Variants in DIP2C observed in about 807,000 individuals in gnomAD.
DIP2C encodes the protein disco-interacting protein 2 homolog C.
A neutral mutation model predicts 192.4 loss-of-function variants in DIP2C; 33 were observed. The observed-to-expected ratio is 0.17, with a 90% confidence interval of 0.13 to 0.23. DIP2C has a LOEUF of 0.23. Among genes scored for constraint, DIP2C ranks in the 10% least tolerant of loss-of-function variants. The pLI is 1.00. For synonymous variants in DIP2C, 979 were observed against 864.1 expected, an observed-to-expected ratio of 1.13 and a Z score of -2.33; for missense variants, 1,537 against 2,110.1, an observed-to-expected ratio of 0.73 and a Z score of 5.32.
Position 353,658 on chromosome 10 carries a change from C to T in DIP2C, c.2985+2768G>A, listed in dbSNP as rs550000259. Among the ~76,000 whole-genome samples, 36 of 152,298 alleles carry T rather than the reference C, an allele frequency of 2.4e-4. 1 individual carries two copies. Among genetic ancestry groups the T allele is most frequent in the East Asian group, 3.9e-4 (2 of 5,184 alleles). ...CCACCCAAAGTGCTGGGATTGCAGG[C>T]GTGAGCCATGGTGCCTGGCCTCCAC... is the stretch of plus-strand genomic sequence containing the variant. On this transcript the variant is annotated intron_variant, in intron 24 of 36. Transcript: ENST00000280886.
chr10:653,348 T>G (rs1360014694), intron 1 of DIP2C, among the ~76,000 whole-genome samples: 1 of 152,040 alleles, frequency 6.6e-6, no homozygotes, highest in South Asian at 2.1e-4. Context: ...CTCGGGAGGC[T>G]GAGACACAAG....
intron 1 of DIP2C, among the ~76,000 whole-genome samples, chr10:546,757 A>G (rs113491964): frequency 1.3e-5 from 2 of 150,758 alleles, no homozygotes; most frequent in Non-Finnish European, 2.9e-5. Context: ...ACACTGGTTC[A>G]GAGTTATGAG....
chr10:415,100 A>G (rs1048275940), intron 7 of DIP2C, among the ~76,000 whole-genome samples: 1 of 151,752 alleles, frequency 6.6e-6, no homozygotes, highest in Non-Finnish European at 1.5e-5. Flanking sequence ...CGGAGTGAGT[A>G]TTTTCCTGAG....
chr10:486,876 G>A (rs1844057015), intron 1 of DIP2C, among the ~76,000 whole-genome samples: 1 of 152,216 alleles, frequency 6.6e-6, no homozygotes, highest in African/African-American at 2.4e-5. Flanking sequence ...CTCAGTCAAC[G>A]ACAGATCCTG....
intron 31 of DIP2C, among the ~76,000 whole-genome samples, chr10:315,385 T>C (rs1956733740): frequency 6.6e-6 from 1 of 152,242 alleles, no homozygotes; most frequent in Admixed American, 6.5e-5. Context: ...CCTTGAGACA[T>C]TCTTACTATT....
chr10:618,953 C>T (rs575198612), intron 1 of DIP2C, among the ~76,000 whole-genome samples: 1 of 152,152 alleles, frequency 6.6e-6, no homozygotes, highest in Non-Finnish European at 1.5e-5. Context: ...AAAATACTTC[C>T]AATTCTTCTT....
intron 3 of DIP2C, among the ~76,000 whole-genome samples, chr10:444,195 T>C (rs1191406652): frequency 6.6e-6 from 1 of 151,942 alleles, no homozygotes; most frequent in Non-Finnish European, 1.5e-5. Context: ...CTTGGCGCTC[T>C]TCCATCACCC....
At chr10:601,572 T>C (rs1386318368) in intron 1 of DIP2C, among the ~76,000 whole-genome samples, 1 of 152,222 alleles carries the variant, frequency 6.6e-6, no homozygotes, top group Non-Finnish European at 1.5e-5. Context: ...GGAAACAGCC[T>C]GGAATGCAGA....
chr10:281,404 A>G, intron 35 of DIP2C, 81 bp from the exon 36 acceptor site: 1 of 1,489,204 alleles, frequency 6.7e-7, no homozygotes, highest in Non-Finnish European at 9.0e-7. Context: ...AAAAGATTAA[A>G]AACGACCCCC....
chr10:578,746 T>C (rs1356039692), intron 1 of DIP2C, among the ~76,000 whole-genome samples: 4 of 152,180 alleles, frequency 2.6e-5, no homozygotes, highest in Non-Finnish European at 5.9e-5. Context: ...CATGTGTACA[T>C]GCATAGTGTA....
chr10:613,629 G>A (rs1405192509), intron 1 of DIP2C, among the ~76,000 whole-genome samples: 1 of 152,176 alleles, frequency 6.6e-6, no homozygotes, highest in Non-Finnish European at 1.5e-5. Flanking sequence ...CTTAACAGCA[G>A]GTAATTAGAG....
chr10:665,166 T>C (rs1343539664), intron 1 of DIP2C: 2 of 152,250 alleles, frequency 1.3e-5, no homozygotes, highest in Non-Finnish European at 1.5e-5. Flanking sequence ...ATAACACTTC[T>C]GCACCTGTGA....
rs2133167061 is a variant in DIP2C, at chr10:422,913, G to C, written c.515C>G (p.Thr172Ser). 4 of 1,614,044 alleles carry C rather than the reference G, an allele frequency of 2.5e-6. No homozygotes were observed. The highest frequency in any genetic ancestry group is 3.4e-6 in the Non-Finnish European group (4 of 1,180,042). ...HWISQAIHGS[T>S]TSTTSSSSTQ... ...AGAGGACGAGGAGGTGGTGGACGTG[G>C]TGGAGCCGTGGATGGCCTGGCTGAT... The change falls in exon 5 of 37, where the codon ACC becomes AGC. Residue 172 changes from threonine (T) to serine (S), a missense_variant. Physicochemically the swap from Thr to Ser is moderately conservative, Grantham distance 58 (BLOSUM62 1). This residue lies in a region of DIP2C where 473 missense variants were observed against 539.6 expected (regional missense o/e 0.88). Transcript: ENST00000280886.
intron 1 of DIP2C, among the ~76,000 whole-genome samples, chr10:499,754 C>T (rs1035042726): frequency 6.6e-6 from 1 of 152,142 alleles, no homozygotes; most frequent in African/African-American, 2.4e-5. Flanking sequence ...AATTACAATT[C>T]GAGATGAGAT....
rs533075105 is a variant in DIP2C, at chr10:317,865, CTCT to C, written c.3925-7776_3925-7774del. ...AAACACTGGTAGAATTCGAATGTTC[CTCT>C]TCTTTTCTCTCTCTTCATCCCTCAA... On this transcript the variant is annotated intron_variant, in intron 31 of 36. Coordinates refer to ENST00000280886, the MANE Select transcript of DIP2C (RefSeq NM_014974.3). Among the ~76,000 whole-genome samples the C allele has an allele frequency of 7.0e-4, 107 of 152,350 alleles. 2 individuals are homozygous for C. The highest frequency in any genetic ancestry group is 5.4e-3 in the South Asian group (26 of 4,824).
intron 1 of DIP2C, among the ~76,000 whole-genome samples, chr10:626,463 C>A (rs1404051271): frequency 6.6e-6 from 1 of 151,778 alleles, no homozygotes; most frequent in Non-Finnish European, 1.5e-5. Flanking sequence ...CCCGGAGTTA[C>A]CCTCCGTCCC....
chr10:350,725 G>A (rs1958754905), intron 24 of DIP2C, among the ~76,000 whole-genome samples: 1 of 142,234 alleles, frequency 7.0e-6, no homozygotes, highest in East Asian at 2.1e-4. Context: ...GGCAACCTCC[G>A]CCTTCCGGAT....
rs182161995 is a variant in DIP2C, at chr10:384,529, C to T, written c.1756+17G>A. On this transcript the variant is annotated intron_variant, in intron 15 of 36. Coordinates refer to ENST00000280886, the MANE Select transcript of DIP2C (RefSeq NM_014974.3). ...CTGGGATTACAGGTGTGAGCCACTG[C>T]GCCCGGCGAGACCCACCTTTGTACT... The T allele has an allele frequency of 1.6e-4, 260 of 1,612,238 alleles. 1 individual carries two copies. The highest frequency in any genetic ancestry group is 3.3e-4 in the Middle Eastern group (2 of 6,060).
At position 414,701 on chromosome 10, in the gene DIP2C, GTATGTA is replaced by G. The variant is rs757646356; in HGVS notation, c.860-597_860-592del. ...CCACGCCCAGCTAATTTTAGAGTGT[GTATGTA>G]TGTGTGTGTGTGTGTGTGTGTGTGT... is the stretch of plus-strand genomic sequence containing the variant. On this transcript the variant is annotated intron_variant, in intron 7 of 36. Transcript: ENST00000280886. Among the ~76,000 whole-genome samples, 330 of 103,308 alleles carry G rather than the reference GTATGTA, an allele frequency of 3.2e-3. 3 individuals carry two copies. Among genetic ancestry groups the G allele is most frequent in the Non-Finnish European group, 4.6e-3 (244 of 53,136 alleles). The allele number at this position is 103,308 out of a possible 152,430, so 67.8% of individuals were successfully genotyped here.
Sources: gnomAD v4.1 joint callset for allele counts (sites outside exome capture counted in the v4.1 genomes callset) on GRCh38, gnomAD v4.1.1 for gene constraint, gnomAD v4.1.1 regional missense constraint, MANE v1.5 for transcripts, NCBI Gene and HGNC (gene_info 2026-07-23, HGNC 2026-07-21) for gene names.